The following ITPR1 variants were observed in gnomAD, a reference collection of about 807,000 sequenced individuals.
ITPR1 encodes inositol 1,4,5-trisphosphate-gated calcium channel ITPR1.
A neutral mutation model predicts 318.4 loss-of-function variants in ITPR1; 96 were observed. The ratio of observed to expected loss-of-function variants is 0.30; its 90% CI spans 0.26 to 0.36. ITPR1 has a LOEUF of 0.36. ITPR1 is among the 10% of genes least tolerant of loss of function. ITPR1 has a pLI of 1.00. For synonymous variants in ITPR1, 1,312 were observed against 1,289.9 expected, an observed-to-expected ratio of 1.02 and a Z score of -0.37; for missense variants, 2,440 against 3,460.2, an observed-to-expected ratio of 0.71 and a Z score of 7.40.
At chr3:4,718,401 T>C (rs2041920836) in intron 40 of ITPR1, among the ~76,000 whole-genome samples, 1 of 152,254 alleles carries the variant, frequency 6.6e-6, no homozygotes, top group Non-Finnish European at 1.5e-5. Context: ...CTGTCTACTC[T>C]AGTATCTACT....
chr3:4,611,405 G>A (rs2092110014), intron 4 of ITPR1, among the ~76,000 whole-genome samples: 1 of 151,342 alleles, frequency 6.6e-6, no homozygotes, highest in Non-Finnish European at 1.5e-5. Flanking sequence ...ACTAAAATTA[G>A]AGAATTTAGC....
intron 4 of ITPR1, among the ~76,000 whole-genome samples, chr3:4,525,863 C>T (rs373385012): frequency 7.9e-5 from 12 of 152,266 alleles, no homozygotes; most frequent in African/African-American, 2.2e-4. Context: ...CCAGCTCCCC[C>T]GGTGCTAAAT....
chr3:4,601,199 G>C (rs2091252981), intron 4 of ITPR1, among the ~76,000 whole-genome samples: 1 of 125,466 alleles, frequency 8.0e-6, no homozygotes, highest in Non-Finnish European at 1.7e-5. Context: ...TTTTGGCACT[G>C]GGGCAACTGG....
chr3:4,634,267 G>T (rs567322644), intron 5 of ITPR1, among the ~76,000 whole-genome samples: 1 of 151,770 alleles, frequency 6.6e-6, no homozygotes, highest in East Asian at 1.9e-4. Context: ...ACGCTGGTGT[G>T]CAGTGACATG....
intron 52 of ITPR1, among the ~76,000 whole-genome samples, chr3:4,791,741 G>C (rs1267518923): frequency 2.0e-5 from 3 of 152,176 alleles, no homozygotes; most frequent in African/African-American, 7.2e-5. Flanking sequence ...TTTGTGACTA[G>C]AGCTGTAATC....
chr3:4,503,889 T>C (rs1403229459), intron 2 of ITPR1, among the ~76,000 whole-genome samples: 2 of 152,126 alleles, frequency 1.3e-5, no homozygotes. Flanking sequence ...TGGGACTGAC[T>C]TCAACTTTTT....
intron 18 of ITPR1, among the ~76,000 whole-genome samples, chr3:4,668,756 G>A (rs1287765067): frequency 2.0e-5 from 3 of 152,148 alleles, no homozygotes; most frequent in African/African-American, 4.8e-5. Context: ...GTGAGCCACC[G>A]CGCTCGGCCT....
chr3:4,805,516 G>C (rs2048498895), intron 54 of ITPR1, among the ~76,000 whole-genome samples: 1 of 152,104 alleles, frequency 6.6e-6, no homozygotes, highest in Non-Finnish European at 1.5e-5. Context: ...GGTCCCCAAA[G>C]GAAAATTAGA....
At chr3:4,624,480 C>G (rs1575775861) in intron 4 of ITPR1, among the ~76,000 whole-genome samples, 1 of 151,958 alleles carries the variant, frequency 6.6e-6, no homozygotes, top group African/African-American at 2.4e-5. Flanking sequence ...ACCAGCCTGG[C>G]CAACATGGTG....
intron 39 of ITPR1, among the ~76,000 whole-genome samples, chr3:4,714,962 T>C (rs1272747345): frequency 1.3e-5 from 2 of 152,226 alleles, no homozygotes; most frequent in Admixed American, 6.5e-5. Context: ...TCCTAGATTA[T>C]AAGTTACAAT....
intron 4 of ITPR1, among the ~76,000 whole-genome samples, chr3:4,608,650 T>A (rs2091864827): frequency 6.6e-6 from 1 of 151,944 alleles, no homozygotes; most frequent in African/African-American, 2.4e-5. Flanking sequence ...GGGATGCTGT[T>A]CAGCATCTTA....
intron 56 of ITPR1, among the ~76,000 whole-genome samples, chr3:4,812,606 T>A (rs1316972575): frequency 1.3e-5 from 2 of 152,100 alleles, no homozygotes; most frequent in Non-Finnish European, 2.9e-5. Context: ...TACTACTGGT[T>A]TTTCATCCCG....
At chr3:4,649,790 C>T (rs1237630518) in intron 10 of ITPR1, among the ~76,000 whole-genome samples, 1 of 152,202 alleles carries the variant, frequency 6.6e-6, no homozygotes. Context: ...GGTGAGGGCA[C>T]TCTTCCTGGT....
In ITPR1 at chr3:4,665,174, G is replaced by A. The variant is rs754761341; in HGVS notation, c.1591G>A (p.Gly531Ser). The change falls in exon 17 of 62, where the codon GGT becomes AGT. Residue 531 changes from glycine to serine, a missense_variant. Gly to Ser is a moderately conservative substitution (Grantham distance 56). Transcript: ENST00000649015. ...GTTACAAGCCCCATTCACAGACTGC[G>A]GTGATGGCCCAATGCTTCGGCTGGA... ...KLLQAPFTDCGDGPMLRLEEL... is the reference protein window; with the variant it reads ...KLLQAPFTDCSDGPMLRLEEL... 5.6e-6 allele frequency: 9 copies of A among 1,613,908 alleles called. No homozygotes were observed. Among genetic ancestry groups the A allele is most frequent in the Non-Finnish European group, 6.8e-6 (8 of 1,179,896 alleles).
At chr3:4,668,599 C>T (rs993052967) in intron 18 of ITPR1, among the ~76,000 whole-genome samples, 1 of 152,160 alleles carries the variant, frequency 6.6e-6, no homozygotes, top group African/African-American at 2.4e-5. Flanking sequence ...TCCCCAGTAG[C>T]TGCGACTACA....
chr3:4,786,462 C>G (rs2047204465), intron 51 of ITPR1, among the ~76,000 whole-genome samples: 1 of 152,216 alleles, frequency 6.6e-6, no homozygotes, highest in Admixed American at 6.5e-5. Flanking sequence ...ACAGCTTGAC[C>G]TGAGTCACCT....
chr3:4,705,332 G>A (rs1228869322), intron 36 of ITPR1, among the ~76,000 whole-genome samples: 1 of 152,180 alleles, frequency 6.6e-6, no homozygotes, highest in African/African-American at 2.4e-5. Flanking sequence ...CCCGTTGTCA[G>A]CATCTTACAT....
chr3:4,509,616 C>G (rs1189875840), intron 2 of ITPR1, among the ~76,000 whole-genome samples: 1 of 152,128 alleles, frequency 6.6e-6, no homozygotes, highest in Non-Finnish European at 1.5e-5. Context: ...CATAGTGAGA[C>G]CTTGTCTCTA....
At chr3:4,603,207 C>A (rs1252350513) in intron 4 of ITPR1, among the ~76,000 whole-genome samples, 2 of 151,728 alleles carry the variant, frequency 1.3e-5, no homozygotes, top group African/African-American at 4.8e-5. Context: ...TTACAGTCAG[C>A]TATAATTTTT....
Sources: gnomAD v4.1 joint callset for allele counts (sites outside exome capture counted in the v4.1 genomes callset) on GRCh38, gnomAD v4.1.1 for gene constraint, MANE v1.5 for transcripts, NCBI Gene and HGNC (gene_info 2026-07-23, HGNC 2026-07-21) for gene names.